UGDH: variants seen among roughly 807,000 people sequenced by gnomAD.
UGDH encodes UDP-Glc dehydrogenase.
A neutral mutation model predicts 50.6 loss-of-function variants in UGDH; 38 were observed. The ratio of observed to expected loss-of-function variants is 0.75; its 90% CI spans 0.58 to 0.98. The LOEUF (loss-of-function observed/expected upper bound fraction) is 0.98, where lower values mean the gene tolerates loss of function less well. Among genes scored for constraint, UGDH ranks in the 50% least tolerant of loss-of-function variants. The pLI is 0.00. For synonymous variants in UGDH, 168 were observed against 199.9 expected (o/e 0.84, Z 1.35); for missense variants, 465 against 606.2 (o/e 0.77, Z 2.45).
intron 1 of UGDH, among the ~76,000 whole-genome samples, chr4:39,522,761 T>C (rs900748518): frequency 1.3e-4 from 18 of 143,382 alleles, no homozygotes; most frequent in African/African-American, 3.7e-4. Context: ...TGATCCCTCA[T>C]GACTTTTTTT....
chr4:39,510,387 G>T lies in UGDH; in HGVS notation c.629C>A (p.Thr210Asn). 1 of 1,614,210 alleles carries T rather than the reference G, an allele frequency of 6.2e-7. No homozygotes were observed. The highest frequency in any genetic ancestry group is 8.5e-7 in the Non-Finnish European group (1 of 1,180,036). ...AAGCTCTGAAGACCAAGTATTAGTG[G>T]TGAGGATCTTTTCTCTGGGAACCCA... ...EHWVPREKIL[T>N]TNTWSSELSK... Residue 210 changes from threonine to asparagine, a missense_variant, in exon 5 of 12, where the codon ACC becomes AAC. Thr to Asn is a moderately conservative substitution (Grantham distance 65). Coordinates refer to ENST00000316423, the MANE Select transcript of UGDH (RefSeq NM_003359.4).
chr4:39,523,835 G>T, intron 1 of UGDH, among the ~76,000 whole-genome samples: 1 of 151,418 alleles, frequency 6.6e-6, no homozygotes, highest in South Asian at 2.1e-4. Context: ...TATTGATTCT[G>T]AATAATGTTC....
intron 5 of UGDH, 52 bp downstream of exon 5, chr4:39,510,301 T>G: frequency 6.4e-7 from 1 of 1,572,024 alleles, no homozygotes. Flanking sequence ...AGGCTTGAAA[T>G]AAATAAATAT....
intron 2 of UGDH, among the ~76,000 whole-genome samples, chr4:39,521,105 G>GA (rs1317322560): frequency 6.7e-6 from 1 of 148,950 alleles, no homozygotes; most frequent in African/African-American, 2.5e-5. Flanking sequence ...ACAGGAAAGA[G>GA]AAAAAATTAT....
chr4:39,502,117 T>C (rs942756448), intron 11 of UGDH, among the ~76,000 whole-genome samples: 6 of 152,214 alleles, frequency 3.9e-5, no homozygotes, highest in Admixed American at 3.3e-4. Context: ...TGTATTTCTC[T>C]ACATATCTTT....
At chr4:39,508,805 A>G in intron 6 of UGDH, 145 bp from the exon 7 acceptor site, 1 of 668,874 alleles carries the variant, frequency 1.5e-6, no homozygotes, top group African/African-American at 2.0e-5. Context: ...GGGCTTATAA[A>G]TTATGTAAAA....
intron 2 of UGDH, among the ~76,000 whole-genome samples, chr4:39,514,718 T>TG (rs1746378526): frequency 6.6e-6 from 1 of 151,920 alleles, no homozygotes; most frequent in South Asian, 2.1e-4. Context: ...AGCCTCTTTC[T>TG]GTCACCCAGG....
At chr4:39,510,602 C>CT in intron 4 of UGDH, 52 bp from the exon 5 acceptor site, 1 of 1,613,948 alleles carries the variant, frequency 6.2e-7, no homozygotes, top group Non-Finnish European at 8.5e-7. Context: ...TTATGGGCAA[C>CT]TTTAACACAT....
At chr4:39,503,158 G>A (rs71606176) in intron 11 of UGDH, among the ~76,000 whole-genome samples, 21,522 of 151,928 alleles carry the variant, frequency 0.14, 1,718 homozygotes, top group East Asian at 0.26. Flanking sequence ...CTTGTGATCC[G>A]CCCGCCTCAG....
intron 3 of UGDH, 126 bp from the exon 4 acceptor site, chr4:39,510,987 G>T: frequency 1.3e-6 from 1 of 797,004 alleles, no homozygotes; most frequent in Non-Finnish European, 2.0e-6. Context: ...TCCTCTGTTA[G>T]TTCCATAGAA....
chr4:39,510,156 A>G (rs1430669097), intron 5 of UGDH, among the ~76,000 whole-genome samples, 197 bp downstream of exon 5: 1 of 152,190 alleles, frequency 6.6e-6, no homozygotes, highest in Non-Finnish European at 1.5e-5. Flanking sequence ...AAGATTTCAG[A>G]ATTTTTCAGA....
chr4:39,523,611 C>A (rs1746757698), intron 1 of UGDH, among the ~76,000 whole-genome samples: 1 of 151,984 alleles, frequency 6.6e-6, no homozygotes, highest in African/African-American at 2.4e-5. Flanking sequence ...TCAAGACCAG[C>A]CTGATCAACA....
intron 3 of UGDH, 51 bp from the exon 4 acceptor site, chr4:39,510,912 T>C: frequency 6.3e-7 from 1 of 1,583,852 alleles, no homozygotes; most frequent in Non-Finnish European, 8.7e-7. Flanking sequence ...GATAGGGATT[T>C]CAAGATATAC....
At chr4:39,505,187 A>G (rs1578264426) in intron 9 of UGDH, 50 bp downstream of exon 9, 2 of 1,552,946 alleles carry the variant, frequency 1.3e-6, no homozygotes, top group Admixed American at 4.5e-5. Flanking sequence ...CAAAAGATAA[A>G]AAGTTTTCAG....
At chr4:39,506,768 AAG>A in intron 7 of UGDH, among the ~76,000 whole-genome samples, 1 of 152,354 alleles carries the variant, frequency 6.6e-6, no homozygotes, top group Non-Finnish European at 1.5e-5. Flanking sequence ...TTGGAAAATC[AAG>A]AGTTTATCTG....
At chr4:39,521,826 A>T (rs73139409) in intron 1 of UGDH, among the ~76,000 whole-genome samples, 32,103 of 152,128 alleles carry the variant, frequency 0.21, 5,210 homozygotes, top group African/African-American at 0.43. Context: ...TCAAAGTAAA[A>T]CCTTCCTTAG....
In UGDH at chr4:39,510,620, T is replaced by C. The variant is rs773949832; in HGVS notation, c.465+41A>G. 49 of 1,613,998 alleles carry C rather than the reference T, an allele frequency of 3.0e-5. No individual in the cohort carries two copies. The East Asian group carries it at 1.1e-3, about 35-fold the overall frequency. On this transcript the variant is annotated intron_variant, in intron 4 of 11. Coordinates refer to ENST00000316423, the MANE Select transcript of UGDH (RefSeq NM_003359.4). ...TGGGCAACTTTAACACATCAGTATT[T>C]ACATAAGAATAACCAGATTCTAATG...
At chr4:39,508,256 G>A (rs1746102546) in intron 7 of UGDH, among the ~76,000 whole-genome samples, 1 of 152,114 alleles carries the variant, frequency 6.6e-6, no homozygotes, top group South Asian at 2.1e-4. Flanking sequence ...CAGAGACAGG[G>A]TCTCACTCTG....
chr4:39,509,664 G>A, intron 6 of UGDH, 96 bp downstream of exon 6: 1 of 1,360,766 alleles, frequency 7.3e-7, no homozygotes, highest in Non-Finnish European at 9.9e-7. Flanking sequence ...AGGTTATAAG[G>A]ATTCAATGAG....
Sources: allele counts gnomAD v4.1 joint callset (sites outside exome capture counted in the v4.1 genomes callset), GRCh38; gene constraint gnomAD v4.1.1; transcripts MANE v1.5; gene names NCBI Gene and HGNC (gene_info 2026-07-23, HGNC 2026-07-21).